CHST8: variants seen among roughly 807,000 people sequenced by gnomAD.
CHST8 encodes the protein GALNAC-4-ST1.
CHST8 carries 10 observed loss-of-function variants against 15.0 expected under a neutral mutation model. That is an observed-to-expected ratio of 0.67 (90% CI 0.41 to 1.13). The LOEUF is 1.13. Among genes scored for constraint, CHST8 ranks in the 50% most tolerant of loss-of-function variants. CHST8 has a pLI of 0.00. For missense variants in CHST8, 634 were observed against 608.2 expected (o/e 1.04, Z -0.45); for synonymous variants, 259 against 256.6 (o/e 1.01, Z -0.09).
At position 33,637,404 on chromosome 19, in the gene CHST8, C is replaced by CTTT. The variant is rs35709907; in HGVS notation, c.-164+15122_-164+15124dup. ...AGATACCTAAAGAAAGGTTCGCTTTCTTTTTTTTTTTTTTTTGAGACGGAG... is the reference window on the plus strand; with the variant it reads ...AGATACCTAAAGAAAGGTTCGCTTTCTTTTTTTTTTTTTTTTTTTGAGACGGAG... On this transcript the variant is annotated intron_variant, in intron 1 of 4. Coordinates refer to ENST00000650847, the MANE Select transcript of CHST8 (RefSeq NM_001127895.2). Among the ~76,000 whole-genome samples, 485 of 133,840 alleles carry CTTT rather than the reference C, an allele frequency of 3.6e-3. 2 individuals carry two copies. The highest frequency in any genetic ancestry group is 5.6e-3 in the Non-Finnish European group (347 of 62,432). The allele number at this position is 133,840 out of a possible 152,430, so 87.8% of individuals were successfully genotyped here. A position where few individuals can be genotyped will look rare whatever the true frequency, so the allele number is the denominator to read the frequency against.
intron 1 of CHST8, among the ~76,000 whole-genome samples, chr19:33,649,736 C>T (rs963031054): frequency 6.6e-6 from 1 of 152,124 alleles, no homozygotes; most frequent in Non-Finnish European, 1.5e-5. Flanking sequence ...TGTAAACCGG[C>T]CAGAACCAGG....
At chr19:33,750,665 G>A (rs1038126328) in intron 3 of CHST8, among the ~76,000 whole-genome samples, 1 of 152,188 alleles carries the variant, frequency 6.6e-6, no homozygotes, top group Non-Finnish European at 1.5e-5. Context: ...AATAAAACCA[G>A]GCAAAGCAAA....
chr19:33,684,915 A>G (rs1203985051), intron 2 of CHST8: 3 of 152,346 alleles, frequency 2.0e-5, no homozygotes, highest in African/African-American at 7.2e-5. Flanking sequence ...CTCTCCCAAC[A>G]AGCAGCTTCT....
chr19:33,684,282 C>T (rs1248334066), intron 2 of CHST8, among the ~76,000 whole-genome samples: 1 of 152,172 alleles, frequency 6.6e-6, no homozygotes, highest in African/African-American at 2.4e-5. Context: ...TGGAGAGAAC[C>T]CTGCCTTGTA....
In CHST8 at chr19:33,749,248, TC is replaced by T. The variant is rs201180516; in HGVS notation, c.131-22162del. Among the ~76,000 whole-genome samples the T allele has an allele frequency of 7.4e-3, 1,123 of 152,258 alleles. 11 individuals carry two copies. The highest frequency in any genetic ancestry group is 0.024 in the African/African-American group (1,010 of 41,538). The stretch of plus-strand genomic sequence containing the variant: ...CGGAGCCAGGGACAACTGAGTTTGA[TC>T]CCTGAGTTCAATCCCTGGCTCAGCC... On this transcript the variant is annotated intron_variant, in intron 3 of 4. Coordinates refer to ENST00000650847, the MANE Select transcript of CHST8 (RefSeq NM_001127895.2).
At position 33,756,735 on chromosome 19, in the gene CHST8, C is replaced by A. The variant is rs189455145; in HGVS notation, c.131-14678C>A. On this transcript the variant is annotated intron_variant, in intron 3 of 4. Coordinates refer to ENST00000650847, the MANE Select transcript of CHST8 (RefSeq NM_001127895.2). ...CCTCACCTCCATCATAAGGTAAGAACCTGAATTTGTTTTCCCACTTCCTTT... is the reference window on the plus strand; with the variant it reads ...CCTCACCTCCATCATAAGGTAAGAAACTGAATTTGTTTTCCCACTTCCTTT... 3.3e-5 allele frequency among the ~76,000 whole-genome samples: 5 copies of A among 152,346 alleles called. No homozygotes were observed. The East Asian group carries it at 9.6e-4, about 29-fold the overall frequency.
intron 3 of CHST8, among the ~76,000 whole-genome samples, chr19:33,740,985 A>T (rs1175282416): frequency 2.0e-5 from 3 of 152,200 alleles, no homozygotes; most frequent in Non-Finnish European, 4.4e-5. Context: ...GCGGGGTATC[A>T]TTGGGAGCTG....
chr19:33,719,429 G>C (rs1268738654), intron 3 of CHST8, among the ~76,000 whole-genome samples: 2 of 152,150 alleles, frequency 1.3e-5, no homozygotes, highest in Admixed American at 6.5e-5. Flanking sequence ...AGCTCACTGA[G>C]GAATTGTTCT....
chr19:33,624,020 G>A (rs764827016), intron 1 of CHST8, among the ~76,000 whole-genome samples: 2 of 152,192 alleles, frequency 1.3e-5, no homozygotes, highest in African/African-American at 4.8e-5. Context: ...CCTCAAAGCC[G>A]GAACCTGACC....
chr19:33,715,069 C>T (rs1973641400), intron 3 of CHST8, among the ~76,000 whole-genome samples: 1 of 152,184 alleles, frequency 6.6e-6, no homozygotes, highest in African/African-American at 2.4e-5. Flanking sequence ...CTCCTCCACA[C>T]AATTGCTCTG....
At chr19:33,706,694 A>G (rs554069516) in intron 3 of CHST8, among the ~76,000 whole-genome samples, 1 of 152,360 alleles carries the variant, frequency 6.6e-6, no homozygotes, top group South Asian at 2.1e-4. Context: ...ATGAAATTAC[A>G]TTCATAATAT....
chr19:33,623,634 T>A (rs940757566), intron 1 of CHST8, among the ~76,000 whole-genome samples: 1 of 152,018 alleles, frequency 6.6e-6, no homozygotes, highest in African/African-American at 2.4e-5. Context: ...CTTGCCTACC[T>A]GTGGGGAAGT....
intron 3 of CHST8, among the ~76,000 whole-genome samples, chr19:33,698,819 G>T (rs545492746): frequency 6.6e-6 from 1 of 152,208 alleles, no homozygotes; most frequent in African/African-American, 2.4e-5. Flanking sequence ...GGCAAGACAG[G>T]CAGGAAGCCC....
chr19:33,713,795 G>A (rs113771941), intron 3 of CHST8, among the ~76,000 whole-genome samples: 3,226 of 152,180 alleles, frequency 0.021, 59 homozygotes, highest in African/African-American at 0.054. Flanking sequence ...TCCTGACTTC[G>A]AACGGGCACC....
chr19:33,622,568 G>T (rs1361659778), intron 1 of CHST8, among the ~76,000 whole-genome samples: 1 of 152,154 alleles, frequency 6.6e-6, no homozygotes, highest in Non-Finnish European at 1.5e-5. Flanking sequence ...GGGAACTGCC[G>T]TCCCTCGGGC....
At chr19:33,720,338 A>C (rs1054329583) in intron 3 of CHST8, among the ~76,000 whole-genome samples, 5 of 151,630 alleles carry the variant, frequency 3.3e-5, no homozygotes, top group Non-Finnish European at 7.4e-5. Flanking sequence ...CACACACCAC[A>C]CATACATACA....
chr19:33,631,631 G>A (rs1403353164), intron 1 of CHST8, among the ~76,000 whole-genome samples: 1 of 152,110 alleles, frequency 6.6e-6, no homozygotes, highest in Non-Finnish European at 1.5e-5. Context: ...CATGAGGTTT[G>A]GCCTCATCTG....
intron 3 of CHST8, among the ~76,000 whole-genome samples, chr19:33,753,339 G>C (rs1031260532): frequency 6.6e-6 from 1 of 150,996 alleles, no homozygotes; most frequent in African/African-American, 2.4e-5. Flanking sequence ...ACCACCAACT[G>C]TCCTCCATCT....
chr19:33,640,263 C>T (rs1433314272), intron 1 of CHST8, among the ~76,000 whole-genome samples: 1 of 152,200 alleles, frequency 6.6e-6, no homozygotes, highest in Non-Finnish European at 1.5e-5. Flanking sequence ...AGGAACTGGG[C>T]CAGAGTGCAG....
Sources: allele counts gnomAD v4.1 joint callset (sites outside exome capture counted in the v4.1 genomes callset), GRCh38; gene constraint gnomAD v4.1.1; transcripts MANE v1.5; gene names NCBI Gene and HGNC (gene_info 2026-07-23, HGNC 2026-07-21).